The following PIGG variants were observed in gnomAD, a reference collection of about 807,000 sequenced individuals.
PIGG encodes the protein GPI ethanolamine phosphate transferase 2, catalytic subunit.
PIGG carries 70 observed loss-of-function variants against 83.2 expected under a neutral mutation model. That is an observed-to-expected ratio of 0.84 (90% CI 0.69 to 1.03). PIGG has a LOEUF of 1.03. Ranked by LOEUF, PIGG falls within the 50% of genes least tolerant of loss-of-function variation. The pLI is 0.00. For synonymous variants in PIGG, 532 were observed against 519.5 expected (o/e 1.02, Z -0.33); for missense variants, 1,257 against 1,233.6 (o/e 1.02, Z -0.28).
chr4:526,921 T>G, intron 9 of PIGG, 118 bp from the exon 10 acceptor site: 1 of 1,081,018 alleles, frequency 9.3e-7, no homozygotes, highest in Non-Finnish European at 1.3e-6. Flanking sequence ...TTTCATGTAA[T>G]CTTTGGTTTT....
chr4:520,757 GAGGCAGAGAAGGAGGCC>G (rs1222317893), intron 6 of PIGG, among the ~76,000 whole-genome samples: 2 of 152,232 alleles, frequency 1.3e-5, no homozygotes, highest in Admixed American at 1.3e-4. Flanking sequence ...AGCGATGAGG[GAGGCAGAGAAGGAGGCC>G]AGGCAGCACA....
intron 7 of PIGG, 42 bp downstream of exon 7, chr4:521,315 T>C: frequency 7.5e-7 from 1 of 1,328,190 alleles, no homozygotes; most frequent in Non-Finnish European, 1.1e-6. Flanking sequence ...GTTGCATTGA[T>C]TTGATAACTC....
In PIGG at chr4:523,535, G is replaced by A; in HGVS notation, c.1691G>A (p.Ser564Asn). 6.2e-7 allele frequency: 1 copy of A among 1,614,190 alleles called. No individual in the cohort carries two copies. The highest frequency in any genetic ancestry group is 1.1e-5 in the South Asian group (1 of 91,078). ...TTGGGGACGGCGGGCCACGTCTTGAGCCTGGGCGCCAGCAGCTTCGTGGAG... is the reference window on the plus strand; with the variant it reads ...TTGGGGACGGCGGGCCACGTCTTGAACCTGGGCGCCAGCAGCTTCGTGGAG... ...ILLGTAGHVL[S>N]LGASSFVEEE... Residue 564 changes from serine to asparagine, a missense_variant, in exon 9 of 13, where the codon AGC (serine) becomes AAC (asparagine). Transcript: ENST00000453061.
intron 12 of PIGG, among the ~76,000 whole-genome samples, chr4:537,933 C>G (rs1291346093): frequency 2.6e-5 from 4 of 152,286 alleles, no homozygotes; most frequent in African/African-American, 9.6e-5. Context: ...TCAAGTAATA[C>G]CTGGTGGAGC....
intron 6 of PIGG, among the ~76,000 whole-genome samples, chr4:520,462 G>T (rs1250910711): frequency 2.0e-5 from 3 of 148,328 alleles, no homozygotes; most frequent in Non-Finnish European, 4.4e-5. Context: ...TCACCCTTGT[G>T]AGCAGAGAGG....
intron 6 of PIGG, among the ~76,000 whole-genome samples, chr4:517,000 A>G (rs1276312375): frequency 6.6e-6 from 1 of 152,060 alleles, no homozygotes; most frequent in African/African-American, 2.4e-5. Context: ...AGGGTCCTCC[A>G]TGGGGCGCAC....
intron 11 of PIGG, chr4:531,208 C>G (rs956854589): frequency 1.2e-5 from 2 of 160,974 alleles, no homozygotes; most frequent in Non-Finnish European, 2.7e-5. Flanking sequence ...CAAGCCCAAA[C>G]CACCTCAGTT....
rs781856024 is a variant in PIGG at position 507,468 on chromosome 4, A to T, written c.634A>T (p.Ile212Phe). Residue 212 changes from isoleucine to phenylalanine, a missense_variant, in exon 4 of 13, where the codon ATC (isoleucine) becomes TTC (phenylalanine). Ile to Phe is a conservative substitution (Grantham distance 21, BLOSUM62 0). Coordinates refer to ENST00000453061, the MANE Select transcript of PIGG (RefSeq NM_001127178.3). ...AAAAAGAGGAGATTGGGACATATTA[A>T]TCCTCCACTACCTGGGGCTGGACCA... Reference protein sequence around the residue: ...VLKRGDWDILILHYLGLDHIG... With the variant: ...VLKRGDWDILFLHYLGLDHIG... 1 of 1,613,962 alleles carries T rather than the reference A, an allele frequency of 6.2e-7. No individual in the cohort carries two copies. The highest frequency in any genetic ancestry group is 8.5e-7 in the Non-Finnish European group (1 of 1,179,828).
rs894469874 is a variant in PIGG at position 539,595 on chromosome 4, T to C, written c.*226T>C. 1 of 519,002 alleles carries C rather than the reference T, an allele frequency of 1.9e-6. No individual in the cohort carries two copies. The highest frequency in any genetic ancestry group is 1.9e-5 in the African/African-American group (1 of 52,330). The allele number at this position is 519,002 out of a possible 1,614,324, so 32.1% of individuals were successfully genotyped here. On this transcript the variant is annotated 3_prime_UTR_variant, in exon 13 of 13. Coordinates refer to ENST00000453061, the MANE Select transcript of PIGG (RefSeq NM_001127178.3). ...AAGCTTCTGAACTTTTAATTTCCTC[T>C]GAATAAGCTATGGTGTGACCCAAAT...
chr4:525,441 C>A, intron 9 of PIGG: 1 of 797,758 alleles, frequency 1.3e-6, no homozygotes, highest in Non-Finnish European at 1.5e-6. Flanking sequence ...CAGAGAACTC[C>A]TGTAAGAAAT....
In PIGG at chr4:530,528, C is replaced by T; in HGVS notation, c.2354C>T (p.Ala785Val). ...TTACTTAAATCTCAAGTCATTGCTG[C>T]AGACTTCAAACTCAAGACTGTAGGT... ...KDLLKSQVIA[A>V]DFKLKTVGLW... The change falls in exon 11 of 13, where the codon GCA becomes GTA. Residue 785 changes from alanine to valine, a missense_variant. Physicochemically the swap from Ala to Val is moderately conservative, Grantham distance 64. Coordinates refer to ENST00000453061, the MANE Select transcript of PIGG (RefSeq NM_001127178.3). The T allele has an allele frequency of 6.2e-7, 1 of 1,612,740 alleles. No homozygotes were observed. The highest frequency in any genetic ancestry group is 8.5e-7 in the Non-Finnish European group (1 of 1,178,738).
At position 530,573 on chromosome 4, in the gene PIGG, G is replaced by A; in HGVS notation, c.2399G>A (p.Gly800Glu). The stretch of plus-strand genomic sequence containing the variant: ...GTAGGTTTATGGGAGATATATAGTG[G>A]ATTAGTTCTTCTGGCAGCCTTGCTC... ...KTVGLWEIYSGLVLLAALLFR... is the reference protein window; with the variant it reads ...KTVGLWEIYSELVLLAALLFR... The change falls in exon 11 of 13, where the codon GGA becomes GAA. Residue 800 changes from glycine to glutamate, a missense_variant. Gly to Glu is a moderately conservative substitution (Grantham distance 98, BLOSUM62 -2). Coordinates refer to ENST00000453061, the MANE Select transcript of PIGG (RefSeq NM_001127178.3). The A allele has an allele frequency of 1.9e-6, 3 of 1,613,836 alleles. No homozygotes were observed. Among genetic ancestry groups the A allele is most frequent in the Non-Finnish European group, 2.5e-6 (3 of 1,179,732 alleles).
intron 8 of PIGG, among the ~76,000 whole-genome samples, chr4:523,187 A>G (rs1242727263): frequency 6.6e-6 from 1 of 152,138 alleles, no homozygotes; most frequent in African/African-American, 2.4e-5. Flanking sequence ...TGGGACTTGG[A>G]GTCCAGTGTG....
intron 8 of PIGG, 146 bp from the exon 9 acceptor site, chr4:523,313 G>A: frequency 1.4e-6 from 1 of 693,996 alleles, no homozygotes; most frequent in Non-Finnish European, 2.5e-6. Context: ...GAAGGGGGCT[G>A]TTCCAGAGTA....
intron 2 of PIGG, among the ~76,000 whole-genome samples, chr4:503,670 GTACAGC>G (rs138234423): frequency 0.025 from 3,766 of 152,214 alleles, 48 homozygotes; most frequent in Middle Eastern, 0.058. Context: ...ATACGTTATT[GTACAGC>G]TACACACTGG....
intron 5 of PIGG, among the ~76,000 whole-genome samples, chr4:512,256 G>A (rs1380698891): frequency 8.5e-6 from 1 of 117,938 alleles, no homozygotes; most frequent in Non-Finnish European, 1.6e-5. Context: ...GTCTTGCTCT[G>A]TCACCCAGGC....
Position 539,428 on chromosome 4 carries a change from A to G in PIGG, c.*59A>G, listed in dbSNP as rs1381128393. 9.5e-7 allele frequency: 1 copy of G among 1,050,682 alleles called. No homozygotes were observed. Among genetic ancestry groups the G allele is most frequent in the Admixed American group, 2.2e-5 (1 of 45,206 alleles). The allele number at this position is 1,050,682 out of a possible 1,614,324, so 65.1% of individuals were successfully genotyped here. ...TAAAGTCTGCTGTTATTCTAAAATGAAAGATATGAATTCAACAAAGTTGAT... is the reference window on the plus strand; with the variant it reads ...TAAAGTCTGCTGTTATTCTAAAATGGAAGATATGAATTCAACAAAGTTGAT... On this transcript the variant is annotated 3_prime_UTR_variant, in exon 13 of 13. Transcript: ENST00000453061.
chr4:521,893 T>A lies in PIGG; in HGVS notation c.1566T>A (p.Ile522=), dbSNP rs770049442. Residue 522 remains isoleucine, a synonymous_variant, in exon 8 of 13, where the codon ATT becomes ATA. Coordinates refer to ENST00000453061, the MANE Select transcript of PIGG (RefSeq NM_001127178.3). ...MVLASALLCV[I]VSVLTNVLVG... ...TGGCCTCGGCGCTGCTGTGTGTGAT[T>A]GTGTCTGTTCTGACCAACGTGCTCG... 2 of 1,614,232 alleles carry A rather than the reference T, an allele frequency of 1.2e-6. No homozygotes were observed. The highest frequency in any genetic ancestry group is 8.5e-7 in the Non-Finnish European group (1 of 1,180,046).
chr4:516,076 A>G lies in PIGG; in HGVS notation c.1005A>G (p.Leu335=), dbSNP rs1476886484. The G allele has an allele frequency of 3.7e-6, 6 of 1,613,788 alleles. No individual in the cohort carries two copies. The highest frequency in any genetic ancestry group is 5.1e-6 in the Non-Finnish European group (6 of 1,179,790). ...CAAAAGACAGTGTAGGGAGCCTCCT[A>G]TTCCCAGTTGTGGAAGGAAGACCAA... ...PIPKDSVGSL[L]FPVVEGRPMR... is the part of the protein sequence containing the mutation. Residue 335 remains leucine (L), a synonymous_variant, in exon 6 of 13, where the codon CTA becomes CTG. Coordinates refer to ENST00000453061, the MANE Select transcript of PIGG (RefSeq NM_001127178.3).
Sources: gnomAD v4.1 joint callset for allele counts (sites outside exome capture counted in the v4.1 genomes callset) on GRCh38, gnomAD v4.1.1 for gene constraint, MANE v1.5 for transcripts, NCBI Gene and HGNC (gene_info 2026-07-23, HGNC 2026-07-21) for gene names.